ZNF83: variants seen among roughly 807,000 people sequenced by gnomAD.
The protein encoded by ZNF83 is zinc finger protein 816B.
For missense variants in ZNF83, 552 were observed against 629.9 expected (o/e 0.88, Z 1.32); for synonymous variants, 209 against 213.0 (o/e 0.98, Z 0.17).
intron 1 of ZNF83, among the ~76,000 whole-genome samples, chr19:52,661,273 T>C (rs1466086964): frequency 1.3e-5 from 2 of 152,140 alleles, no homozygotes; most frequent in Non-Finnish European, 2.9e-5. Context: ...CCAGAGATCA[T>C]GCAGAGATAA....
At chr19:52,655,735 C>T in intron 2 of ZNF83, 4 of 772,708 alleles carry the variant, frequency 5.2e-6, no homozygotes, top group Non-Finnish European at 8.9e-6. Flanking sequence ...GGAGTCATTA[C>T]CTTCACACAA....
chr19:52,620,454 A>G lies in ZNF83; in HGVS notation c.-233-5657T>C, dbSNP rs114463730. 9.1e-3 allele frequency among the ~76,000 whole-genome samples: 1,385 copies of G among 152,272 alleles called. 14 individuals carry two copies. The highest frequency in any genetic ancestry group is 0.031 in the African/African-American group (1,294 of 41,538). On this transcript the variant is annotated intron_variant, in intron 2 of 2. Coordinates refer to ENST00000301096, the Ensembl canonical transcript of ZNF83. ...CAGCCTTCCCTGGAGGAATCCTCAGATATCTGTAGTAATGCAGGTGAGCAC... is the reference window on the plus strand; with the variant it reads ...CAGCCTTCCCTGGAGGAATCCTCAGGTATCTGTAGTAATGCAGGTGAGCAC...
chr19:52,614,470 T>C, exon 3 of ZNF83: 1 of 1,612,704 alleles, frequency 6.2e-7, no homozygotes, highest in South Asian at 1.1e-5. Context: ...CCCTTCAGCT[T>C]GAAATAGCTG....
chr19:52,675,705 GA>G (rs144948580), intron 1 of ZNF83, among the ~76,000 whole-genome samples: 2,288 of 152,300 alleles, frequency 0.015, 38 homozygotes, highest in African/African-American at 0.048. Context: ...GCCAGGAAAG[GA>G]AGGGCAAGGG....
At chr19:52,635,789 G>C (rs1469871886) in intron 1 of ZNF83, 1 of 152,074 alleles carries the variant, frequency 6.6e-6, no homozygotes, top group East Asian at 1.9e-4. Flanking sequence ...GACGTCAGGA[G>C]TTCGAGAGTA....
chr19:52,613,618 G>A (rs377329189), exon 3 of ZNF83: 1 of 1,613,466 alleles, frequency 6.2e-7, no homozygotes, highest in East Asian at 2.2e-5. Context: ...ACATTTGTAA[G>A]GTTTCTCTCC....
At chr19:52,637,734 G>C (rs2061197761) in intron 1 of ZNF83, among the ~76,000 whole-genome samples, 1 of 152,154 alleles carries the variant, frequency 6.6e-6, no homozygotes, top group South Asian at 2.1e-4. Context: ...GGCTGGAGCT[G>C]GGCAGGCAAG....
At chr19:52,664,569 G>A (rs1021476043) in intron 1 of ZNF83, among the ~76,000 whole-genome samples, 3 of 152,106 alleles carry the variant, frequency 2.0e-5, no homozygotes, top group East Asian at 1.9e-4. Context: ...CAATTAACAC[G>A]AACTTTTAAG....
At chr19:52,689,521 C>T (rs8100359) in intron 1 of ZNF83, among the ~76,000 whole-genome samples, 3,011 of 152,220 alleles carry the variant, frequency 0.02, 29 homozygotes, top group Middle Eastern at 0.044. Context: ...TCTCCCTCAC[C>T]CTGATGAGCC....
rs113100693 is a variant in ZNF83 at position 52,637,289 on chromosome 19, G to A, written c.-322+1023C>T. Among the ~76,000 whole-genome samples the A allele has an allele frequency of 6.9e-4, 105 of 152,032 alleles. 2 individuals carry two copies. Among genetic ancestry groups the A allele is most frequent in the African/African-American group, 2.3e-3 (97 of 41,464 alleles). ...TTCCGTCTTCCCTGTTATACCCCCTGTCCCCAATATGTGGAACCACAGATC... is the reference window on the plus strand; with the variant it reads ...TTCCGTCTTCCCTGTTATACCCCCTATCCCCAATATGTGGAACCACAGATC... On this transcript the variant is annotated intron_variant, in intron 1 of 2. Transcript: ENST00000301096.
At chr19:52,618,487 C>A (rs1472265773) in intron 2 of ZNF83, 2 of 163,828 alleles carry the variant, frequency 1.2e-5, no homozygotes, top group Non-Finnish European at 2.7e-5. Context: ...TGGTCTCGAT[C>A]TCCTGACCTT....
At chr19:52,633,450 G>A (rs1163463868) in intron 2 of ZNF83, among the ~76,000 whole-genome samples, 2 of 149,840 alleles carry the variant, frequency 1.3e-5, no homozygotes, top group Non-Finnish European at 3.0e-5. Context: ...TCATAATGAT[G>A]CAAAAATACA....
intron 2 of ZNF83, among the ~76,000 whole-genome samples, chr19:52,630,787 A>G (rs530873459): frequency 2.4e-3 from 370 of 152,238 alleles, no homozygotes; most frequent in Non-Finnish European, 4.1e-3. Context: ...CGCTTTAAAA[A>G]TATTAAAGCC....
In ZNF83 at chr19:52,621,542, ACCTTGGTGG is replaced by A. The variant is rs1382989734; in HGVS notation, c.-233-6754_-233-6746del. 4.8e-3 allele frequency among the ~76,000 whole-genome samples: 729 copies of A among 151,908 alleles called. 5 individuals are homozygous for A. The highest frequency in any genetic ancestry group is 0.017 in the African/African-American group (711 of 41,394). On this transcript the variant is annotated intron_variant, in intron 2 of 2. Transcript: ENST00000301096. ...ACAGGGACACCTGCCTTGATCCTCC[ACCTTGGTGG>A]CAAGTACCATTTCCTCTTTGTGGCA...
intron 3 of ZNF83, among the ~76,000 whole-genome samples, chr19:52,648,404 A>G (rs1487652618): frequency 6.6e-6 from 1 of 152,322 alleles, no homozygotes; most frequent in East Asian, 1.9e-4. Flanking sequence ...AGCTAAGGCT[A>G]AAGTAATGGG....
intron 1 of ZNF83, among the ~76,000 whole-genome samples, chr19:52,677,696 C>T (rs1037121740): frequency 5.2e-5 from 3 of 58,008 alleles, no homozygotes; most frequent in African/African-American, 4.4e-4. Context: ...AGACCACAGG[C>T]GTGAAGAATG....
chr19:52,645,544 C>A (rs900664705), intron 3 of ZNF83, among the ~76,000 whole-genome samples: 1 of 152,240 alleles, frequency 6.6e-6, no homozygotes, highest in African/African-American at 2.4e-5. Flanking sequence ...CAGATGCTCA[C>A]GCCTGTAATC....
At chr19:52,636,447 T>A (rs531019429) in intron 1 of ZNF83, 1 of 152,322 alleles carries the variant, frequency 6.6e-6, no homozygotes, top group Admixed American at 6.5e-5. Flanking sequence ...GTCACTCCAC[T>A]GTAGCTGAAT....
chr19:52,681,280 C>CAAAAAAAAAAAAAAAA (rs56916405), intron 1 of ZNF83, among the ~76,000 whole-genome samples: 22 of 75,422 alleles, frequency 2.9e-4, no homozygotes, highest in South Asian at 6.4e-4. Flanking sequence ...GAGACTTTCT[C>CAAAAAAAAAAAAAAAA]AAAAAAAAAA....
Sources: gnomAD v4.1 joint callset for allele counts (sites outside exome capture counted in the v4.1 genomes callset) on GRCh38, gnomAD v4.1.1 for gene constraint, MANE v1.5 for transcripts, NCBI Gene and HGNC (gene_info 2026-07-23, HGNC 2026-07-21) for gene names.